Variants in UNC13B observed in about 807,000 individuals in gnomAD.
The protein encoded by UNC13B is unc-13 homolog B.
UNC13B carries 144 observed loss-of-function variants against 211.0 expected under a neutral mutation model. The ratio of observed to expected loss-of-function variants is 0.68; its 90% CI spans 0.60 to 0.78. The LOEUF (loss-of-function observed/expected upper bound fraction) is 0.78, where lower values mean the gene tolerates loss of function less well. Ranked by LOEUF, UNC13B falls within the 30% of genes least tolerant of loss-of-function variation. The probability of loss-of-function intolerance (pLI) is 0.00; values close to 1 mark genes in which losing one functional copy is unlikely to be tolerated. For synonymous variants in UNC13B, 709 were observed against 725.8 expected, an observed-to-expected ratio of 0.98 and a Z score of 0.37; for missense variants, 1,777 against 2,002.0, an observed-to-expected ratio of 0.89 and a Z score of 2.14.
chr9:35,228,268 C>T (rs1048228184), intron 2 of UNC13B, among the ~76,000 whole-genome samples: 5 of 152,062 alleles, frequency 3.3e-5, no homozygotes, highest in African/African-American at 1.2e-4. Context: ...TTTTGATATA[C>T]CTTTTCCGAC....
At chr9:35,180,378 G>T (rs1821868639) in intron 1 of UNC13B, among the ~76,000 whole-genome samples, 1 of 152,120 alleles carries the variant, frequency 6.6e-6, no homozygotes, top group Non-Finnish European at 1.5e-5. Flanking sequence ...TAAGACTTTT[G>T]AGAAATGTTT....
intron 7 of UNC13B, among the ~76,000 whole-genome samples, chr9:35,273,854 T>C (rs1461630044): frequency 6.6e-6 from 1 of 152,248 alleles, no homozygotes; most frequent in Non-Finnish European, 1.5e-5. Flanking sequence ...AGTTGGGTCT[T>C]ATAGACTTTA....
In UNC13B at chr9:35,162,093, C is replaced by A; in HGVS notation, c.-191C>A. 1 of 816,064 alleles carries A rather than the reference C, an allele frequency of 1.2e-6. No homozygotes were observed. Among genetic ancestry groups the A allele is most frequent in the Non-Finnish European group, 1.9e-6 (1 of 523,526 alleles). 50.6% of individuals were successfully genotyped at this position (816,064 alleles called of 1,614,324 possible). Reference sequence around the variant, plus strand: ...CTGCCGGCCGGTACTCACCGCTACCCGGAGTTCGCTCAGACGGTGAGATTT... The same window carrying A: ...CTGCCGGCCGGTACTCACCGCTACCAGGAGTTCGCTCAGACGGTGAGATTT... On this transcript the variant is annotated 5_prime_UTR_variant, in exon 1 of 40. Coordinates refer to ENST00000635942, the MANE Select transcript of UNC13B (RefSeq NM_001371189.2).
At chr9:35,242,782 AC>A (rs1305856946) in intron 5 of UNC13B, among the ~76,000 whole-genome samples, 4 of 152,098 alleles carry the variant, frequency 2.6e-5, no homozygotes, top group African/African-American at 9.7e-5. Context: ...TCCTGCTTTC[AC>A]CTCTTTCGTA....
chr9:35,374,654 G>T (rs1395761949), intron 13 of UNC13B, among the ~76,000 whole-genome samples: 1 of 152,360 alleles, frequency 6.6e-6, no homozygotes, highest in East Asian at 1.9e-4. Flanking sequence ...CAGCCATCCA[G>T]GGATTATGTG....
chr9:35,209,581 T>C (rs1285483516), intron 1 of UNC13B, among the ~76,000 whole-genome samples: 1 of 152,098 alleles, frequency 6.6e-6, no homozygotes, highest in Non-Finnish European at 1.5e-5. Flanking sequence ...TTTCAACATG[T>C]TGGCCCGGCT....
chr9:35,182,370 G>A (rs1821983901), intron 1 of UNC13B, among the ~76,000 whole-genome samples: 2 of 151,572 alleles, frequency 1.3e-5, no homozygotes, highest in South Asian at 2.1e-4. Context: ...TTGCTTCTGT[G>A]ACCCCCCCTT....
intron 11 of UNC13B, among the ~76,000 whole-genome samples, chr9:35,333,761 T>C (rs1419838407): frequency 6.6e-6 from 1 of 152,198 alleles, no homozygotes; most frequent in African/African-American, 2.4e-5. Context: ...TTTATCTGTG[T>C]CCCTTATGAT....
Position 35,305,641 on chromosome 9 carries a change from T to C in UNC13B, c.6237T>C (p.His2079=), listed in dbSNP as rs984629793. 1 of 399,002 alleles carries C rather than the reference T, an allele frequency of 2.5e-6. No homozygotes were observed. Among genetic ancestry groups the C allele is most frequent in the Non-Finnish European group, 4.4e-6 (1 of 226,036 alleles). 24.7% of individuals were successfully genotyped at this position (399,002 alleles called of 1,614,324 possible). A position where few individuals can be genotyped will look rare whatever the true frequency, so the allele number is the denominator to read the frequency against. ...LTEKEVPFRD[H]LIQQSPNSSF... ...AAAAAGAGGTACCATTCAGAGACCA[T>C]CTAATCCAGCAGTCACCTAATTCAT... The change falls in exon 9 of 40, where the codon CAT becomes CAC. Residue 2079 remains histidine (H), a synonymous_variant. Coordinates refer to ENST00000635942, the MANE Select transcript of UNC13B (RefSeq NM_001371189.2).
intron 7 of UNC13B, among the ~76,000 whole-genome samples, chr9:35,289,779 C>A (rs145404286): frequency 4.0e-4 from 61 of 152,146 alleles, no homozygotes; most frequent in African/African-American, 1.4e-3. Flanking sequence ...GAGTTCGAGG[C>A]CAGCCTGGCC....
In UNC13B at chr9:35,236,509, T is replaced by C. The variant is rs1000498085; in HGVS notation, c.193T>C (p.Trp65Arg). 6.2e-7 allele frequency: 1 copy of C among 1,613,982 alleles called. No individual in the cohort carries two copies. The highest frequency in any genetic ancestry group is 1.3e-5 in the African/African-American group (1 of 74,926). The change falls in exon 4 of 40, where the codon TGG (tryptophan) becomes CGG (arginine). Residue 65 changes from tryptophan (W) to arginine (R), a missense_variant. By Grantham distance (101) the Trp-to-Arg change is moderately radical. Coordinates refer to ENST00000635942, the MANE Select transcript of UNC13B (RefSeq NM_001371189.2). ...GGACCTGGGTCTAAGTGTGGAGGTA[T>C]GGAACAAAGGACTGATCTGGGACAC... ...RLDLGLSVEV[W>R]NKGLIWDTMV...
intron 12 of UNC13B, among the ~76,000 whole-genome samples, chr9:35,367,621 A>T (rs567241915): frequency 7.0e-6 from 1 of 143,252 alleles, no homozygotes; most frequent in East Asian, 2.1e-4. Flanking sequence ...TCCATTGTTG[A>T]TGGTGTGGCT....
intron 11 of UNC13B, chr9:35,352,118 C>G: frequency 8.1e-7 from 1 of 1,232,236 alleles, no homozygotes; most frequent in Non-Finnish European, 1.0e-6. Context: ...CACCTGTTCC[C>G]TGGCCAAGGT....
intron 10 of UNC13B, among the ~76,000 whole-genome samples, chr9:35,311,454 A>G (rs1402240489): frequency 6.6e-6 from 1 of 152,210 alleles, no homozygotes; most frequent in African/African-American, 2.4e-5. Flanking sequence ...CCTATTAAGA[A>G]TGCTACTTTG....
intron 7 of UNC13B, among the ~76,000 whole-genome samples, chr9:35,295,486 T>C (rs1829306668): frequency 6.6e-6 from 1 of 152,100 alleles, no homozygotes; most frequent in South Asian, 2.1e-4. Flanking sequence ...TTAAACTAAG[T>C]ATATATCTCA....
At chr9:35,310,178 T>C (rs949458365) in intron 9 of UNC13B, among the ~76,000 whole-genome samples, 1 of 152,214 alleles carries the variant, frequency 6.6e-6, no homozygotes, top group African/African-American at 2.4e-5. Flanking sequence ...TTAATAATTT[T>C]TAATCCTACT....
intron 7 of UNC13B, chr9:35,291,063 T>C: frequency 3.2e-6 from 5 of 1,550,238 alleles, no homozygotes; most frequent in Non-Finnish European, 3.5e-6. Context: ...TTTGTGGTTT[T>C]CTTAGGTCAC....
intron 1 of UNC13B, among the ~76,000 whole-genome samples, chr9:35,218,366 G>T (rs1246841089): frequency 6.6e-6 from 1 of 151,978 alleles, no homozygotes; most frequent in Non-Finnish European, 1.5e-5. Flanking sequence ...GTCTAGATCT[G>T]TTAGAAGGTC....
Position 35,404,299 on chromosome 9 carries a change from C to T in UNC13B, c.*266C>T, listed in dbSNP as rs1836543000. On this transcript the variant is annotated 3_prime_UTR_variant, in exon 40 of 40. Coordinates refer to ENST00000635942, the MANE Select transcript of UNC13B (RefSeq NM_001371189.2). ...TTTTCCATTAAGAGAGAAGGACAAA[C>T]ATTTCTGAGAGTGTCAGCCATTCTT... is the stretch of plus-strand genomic sequence containing the variant. 1 of 506,062 alleles carries T rather than the reference C, an allele frequency of 2.0e-6. No individual in the cohort carries two copies. 31.3% of individuals were successfully genotyped at this position (506,062 alleles called of 1,614,324 possible).
Sources: allele counts gnomAD v4.1 joint callset (sites outside exome capture counted in the v4.1 genomes callset), GRCh38; gene constraint gnomAD v4.1.1; transcripts MANE v1.5; gene names NCBI Gene and HGNC (gene_info 2026-07-23, HGNC 2026-07-21).